Variants in CPQ observed in about 807,000 individuals in gnomAD.
CPQ encodes the protein Ser-Met dipeptidase.
A neutral mutation model predicts 45.7 loss-of-function variants in CPQ; 37 were observed. The ratio of observed to expected loss-of-function variants is 0.81; its 90% CI spans 0.62 to 1.07. CPQ has a LOEUF of 1.07. CPQ is among the 50% of genes least tolerant of loss of function. CPQ has a pLI of 0.00. For synonymous variants in CPQ, 186 were observed against 205.8 expected (o/e 0.90, Z 0.82); for missense variants, 537 against 572.9 (o/e 0.94, Z 0.64).
chr8:96,734,897 G>T (rs2874113), intron 1 of CPQ, among the ~76,000 whole-genome samples: 95,119 of 151,734 alleles, frequency 0.63, 30,342 homozygotes, highest in East Asian at 0.87. Context: ...TATGCTACTC[G>T]CTCTTCCTGT....
intron 1 of CPQ, among the ~76,000 whole-genome samples, chr8:96,703,964 T>C (rs988786508): frequency 1.3e-5 from 2 of 152,210 alleles, no homozygotes; most frequent in African/African-American, 4.8e-5. Context: ...TACAAAAATA[T>C]GATGTCCCTG....
Position 97,029,751 on chromosome 8 carries a change from T to G in CPQ, c.1053+257T>G, listed in dbSNP as rs570929154. Reference sequence around the variant, plus strand: ...AAAAATTCCAATTGCCATGCTGCCATTTTTTTCAAGTCTACCTAGTTCTGC... The same window carrying G: ...AAAAATTCCAATTGCCATGCTGCCAGTTTTTTCAAGTCTACCTAGTTCTGC... On this transcript the variant is annotated intron_variant, in intron 6 of 7. Transcript: ENST00000220763. 5.3e-5 allele frequency among the ~76,000 whole-genome samples: 8 copies of G among 152,262 alleles called. No individual in the cohort carries two copies. The East Asian group carries it at 1.5e-3, about 29-fold the overall frequency.
chr8:97,071,916 C>T (rs1810751042), intron 7 of CPQ, among the ~76,000 whole-genome samples: 1 of 152,148 alleles, frequency 6.6e-6, no homozygotes, highest in Admixed American at 6.6e-5. Flanking sequence ...TCAGGCCTGT[C>T]TCTTTGTGGT....
intron 3 of CPQ, among the ~76,000 whole-genome samples, chr8:96,838,583 G>C (rs1165539262): frequency 1.3e-5 from 2 of 151,966 alleles, no homozygotes; most frequent in African/African-American, 4.8e-5. Context: ...AAGTGAATTT[G>C]GTGAAATACT....
intron 7 of CPQ, 62 bp downstream of exon 7, chr8:97,066,272 T>C: frequency 6.7e-7 from 1 of 1,493,836 alleles, no homozygotes; most frequent in Non-Finnish European, 9.1e-7. Context: ...ATAAAATTTC[T>C]GTTTTAATAG....
At chr8:96,916,122 T>C (rs1812729316) in intron 4 of CPQ, among the ~76,000 whole-genome samples, 1 of 152,200 alleles carries the variant, frequency 6.6e-6, no homozygotes, top group Non-Finnish European at 1.5e-5. Flanking sequence ...AAGCCCCGGT[T>C]GAGTAGCTTC....
chr8:97,102,827 C>T (rs1054390096), intron 7 of CPQ, among the ~76,000 whole-genome samples: 1 of 152,072 alleles, frequency 6.6e-6, no homozygotes, highest in African/African-American at 2.4e-5. Context: ...GAAATCACCA[C>T]AAAGTTAAGA....
intron 3 of CPQ, among the ~76,000 whole-genome samples, chr8:96,855,941 C>CA (rs1259206504): frequency 2.0e-5 from 3 of 152,104 alleles, no homozygotes; most frequent in Non-Finnish European, 4.4e-5. Flanking sequence ...GCCTCTTAGG[C>CA]AAAAAACAGC....
At chr8:96,762,633 A>C (rs1225206207) in intron 1 of CPQ, among the ~76,000 whole-genome samples, 1 of 152,164 alleles carries the variant, frequency 6.6e-6, no homozygotes, top group Non-Finnish European at 1.5e-5. Context: ...CCCACTTCCC[A>C]AGAAGCTCTG....
chr8:97,039,792 G>A (rs953444479), intron 6 of CPQ, among the ~76,000 whole-genome samples: 21 of 152,102 alleles, frequency 1.4e-4, no homozygotes, highest in Non-Finnish European at 2.6e-4. Context: ...CTTCATCCAT[G>A]TCCCTACAAA....
At chr8:96,729,629 GT>G (rs1375134484) in intron 1 of CPQ, among the ~76,000 whole-genome samples, 1 of 151,912 alleles carries the variant, frequency 6.6e-6, no homozygotes, top group Non-Finnish European at 1.5e-5. Context: ...ATTATTTTGT[GT>G]TTTTTTGCTA....
At chr8:96,693,427 C>G (rs1270647947) in intron 1 of CPQ, among the ~76,000 whole-genome samples, 1 of 151,900 alleles carries the variant, frequency 6.6e-6, no homozygotes, top group Non-Finnish European at 1.5e-5. Context: ...TAGTCAATCT[C>G]CCAAAGGTCA....
chr8:96,990,221 C>G (rs547796079), intron 5 of CPQ, among the ~76,000 whole-genome samples: 1 of 152,326 alleles, frequency 6.6e-6, no homozygotes, highest in Non-Finnish European at 1.5e-5. Context: ...GATGTCTCCT[C>G]TCCCTAGACC....
At chr8:96,968,470 A>G (rs1181870395) in intron 5 of CPQ, among the ~76,000 whole-genome samples, 2 of 152,256 alleles carry the variant, frequency 1.3e-5, no homozygotes, top group African/African-American at 4.8e-5. Flanking sequence ...TTGCTGATAT[A>G]CTTGAACTAG....
At chr8:97,012,749 AATG>A (rs1809512015) in intron 5 of CPQ, among the ~76,000 whole-genome samples, 1 of 152,162 alleles carries the variant, frequency 6.6e-6, no homozygotes. Flanking sequence ...GATATATCAA[AATG>A]ACCCCAAAAA....
At chr8:97,026,128 C>G (rs1325612705) in intron 5 of CPQ, among the ~76,000 whole-genome samples, 1 of 152,138 alleles carries the variant, frequency 6.6e-6, no homozygotes, top group Non-Finnish European at 1.5e-5. Flanking sequence ...GTCTGAGGAC[C>G]ATGTGTCTCA....
chr8:96,783,390 G>A (rs1037921362), intron 1 of CPQ, among the ~76,000 whole-genome samples: 3 of 152,196 alleles, frequency 2.0e-5, no homozygotes, highest in Admixed American at 6.6e-5. Flanking sequence ...GCCACATCTG[G>A]TGAGGGTCTT....
At chr8:96,892,688 GC>G (rs1257430946) in intron 4 of CPQ, among the ~76,000 whole-genome samples, 4 of 152,116 alleles carry the variant, frequency 2.6e-5, no homozygotes, top group Non-Finnish European at 5.9e-5. Context: ...TCTGAAATGT[GC>G]TCATAGCTGT....
At chr8:96,862,887 A>G (rs1037669075) in intron 3 of CPQ, among the ~76,000 whole-genome samples, 1 of 152,006 alleles carries the variant, frequency 6.6e-6, no homozygotes. Context: ...CCTGCTTCTT[A>G]GATTACCTGC....
Sources: gnomAD v4.1 joint callset for allele counts (sites outside exome capture counted in the v4.1 genomes callset) on GRCh38, gnomAD v4.1.1 for gene constraint, MANE v1.5 for transcripts, NCBI Gene and HGNC (gene_info 2026-07-23, HGNC 2026-07-21) for gene names.